Variants in TDRD12 observed in about 807,000 individuals in gnomAD.
TDRD12 encodes putative ATP-dependent RNA helicase TDRD12.
Under a neutral mutation model 133.5 loss-of-function variants are expected in TDRD12, and 158 were observed. The observed-to-expected ratio is 1.18, with a 90% CI of 1.04 to 1.35. The LOEUF (loss-of-function observed/expected upper bound fraction) is 1.35, where lower values mean the gene tolerates loss of function less well. Among genes scored for constraint, TDRD12 ranks in the 40% most tolerant of loss-of-function variants. The pLI is 0.00. For synonymous variants in TDRD12, 460 were observed against 477.9 expected, an observed-to-expected ratio of 0.96 and a Z score of 0.49; for missense variants, 1,443 against 1,321.3, an observed-to-expected ratio of 1.09 and a Z score of -1.43.
At chr19:32,813,767 T>C (rs1568494201) in exon 25 of TDRD12, 1 of 1,528,316 alleles carries the variant, frequency 6.5e-7, no homozygotes, top group South Asian at 1.2e-5. Context: ...CAGTTTGGAT[T>C]GATCCAATGG....
exon 1 of TDRD12, chr19:32,720,071 GGATGCTC>G: frequency 1.9e-6 from 3 of 1,548,518 alleles, no homozygotes; most frequent in Non-Finnish European, 2.6e-6. Flanking sequence ...GGCGCCAGGA[GGATGCTC>G]CAGCTCCTGG....
chr19:32,755,977 T>C lies in TDRD12; in HGVS notation c.583-15T>C, dbSNP rs1435562900. ...TATTTGTCTTATTAGTCATGAAATG[T>C]TTAAAATTTTACAGGTTTGTGTTAA... On this transcript the variant is annotated splice_polypyrimidine_tract_variant and intron_variant, in intron 6 of 27. Transcript: ENST00000444215. 2.8e-6 allele frequency: 4 copies of C among 1,441,260 alleles called. No individual in the cohort carries two copies. The highest frequency in any genetic ancestry group is 2.7e-6 in the Non-Finnish European group (3 of 1,102,814). The allele number at this position is 1,441,260 out of a possible 1,614,324, so 89.3% of individuals were successfully genotyped here.
intron 1 of TDRD12, among the ~76,000 whole-genome samples, chr19:32,725,797 A>T (rs1015399773): frequency 6.6e-6 from 1 of 152,142 alleles, no homozygotes; most frequent in Non-Finnish European, 1.5e-5. Context: ...TCTATAAATT[A>T]CTTTGGACAG....
intron 25 of TDRD12, 83 bp from the exon 26 acceptor site, chr19:32,815,365 A>G (rs1967141838): frequency 6.7e-6 from 8 of 1,194,828 alleles, no homozygotes; most frequent in Non-Finnish European, 8.1e-6. Flanking sequence ...TGAATGAACC[A>G]GAGAGGCCCT....
intron 15 of TDRD12, 85 bp downstream of exon 15, chr19:32,797,976 C>T: frequency 1.7e-6 from 1 of 600,376 alleles, no homozygotes; most frequent in Non-Finnish European, 2.9e-6. Context: ...CCTGGCTGGG[C>T]CTGGGTCCAC....
intron 11 of TDRD12, 137 bp downstream of exon 11, chr19:32,777,366 G>A (rs776602600): frequency 1.9e-5 from 11 of 578,166 alleles, no homozygotes; most frequent in Non-Finnish European, 2.5e-5. Context: ...TATATCTCCT[G>A]TAGGGTTTGA....
intron 13 of TDRD12, among the ~76,000 whole-genome samples, chr19:32,791,985 C>T (rs1446362288): frequency 1.3e-5 from 2 of 150,744 alleles, no homozygotes; most frequent in African/African-American, 4.9e-5. Flanking sequence ...CATTGGCTCA[C>T]ACCTGTAATC....
chr19:32,802,433 G>C (rs1346418880), intron 19 of TDRD12, among the ~76,000 whole-genome samples: 2 of 151,852 alleles, frequency 1.3e-5, no homozygotes, highest in African/African-American at 4.8e-5. Flanking sequence ...GCTTGGATTT[G>C]TAATAAGAGA....
chr19:32,802,157 A>T (rs929128926), intron 19 of TDRD12, among the ~76,000 whole-genome samples: 1 of 142,846 alleles, frequency 7.0e-6, no homozygotes, highest in African/African-American at 2.6e-5. Context: ...TATCATATAT[A>T]TATATGATAA....
At chr19:32,821,116 C>T (rs543081485) in exon 28 of TDRD12, 35 of 1,535,900 alleles carry the variant, frequency 2.3e-5, no homozygotes, top group South Asian at 1.5e-4. Context: ...GAGTCCAAGA[C>T]GAGCTCAGAA....
intron 11 of TDRD12, among the ~76,000 whole-genome samples, chr19:32,780,964 A>T (rs1300928180): frequency 7.1e-5 from 9 of 127,546 alleles, no homozygotes; most frequent in African/African-American, 2.4e-4. Context: ...TTTTTTTGAG[A>T]TGGAGTCTCG....
intron 15 of TDRD12, among the ~76,000 whole-genome samples, 183 bp from the exon 16 acceptor site, chr19:32,798,125 A>G (rs866367195): frequency 8.5e-5 from 13 of 152,182 alleles, no homozygotes; most frequent in Non-Finnish European, 1.8e-4. Flanking sequence ...TCATTCATTT[A>G]TCATCTATTT....
chr19:32,827,372 C>CTTTAT, exon 10 of TDRD12: 1 of 120,308 alleles, frequency 8.3e-6, no homozygotes. Context: ...CTTTTCTTTT[C>CTTTAT]TTTTTTTTTT....
At chr19:32,775,876 T>C (rs1238640056) in intron 10 of TDRD12, among the ~76,000 whole-genome samples, 1 of 152,204 alleles carries the variant, frequency 6.6e-6, no homozygotes, top group Non-Finnish European at 1.5e-5. Flanking sequence ...CTGGATATTT[T>C]GAATGTTATG....
chr19:32,767,249 C>T (rs1970325969), intron 8 of TDRD12, among the ~76,000 whole-genome samples: 1 of 151,948 alleles, frequency 6.6e-6, no homozygotes, highest in Non-Finnish European at 1.5e-5. Flanking sequence ...CTGCCTCAGC[C>T]TCCTGAGTAG....
At chr19:32,817,016 G>T (rs1167617868) in intron 26 of TDRD12, among the ~76,000 whole-genome samples, 3 of 152,168 alleles carry the variant, frequency 2.0e-5, no homozygotes, top group Non-Finnish European at 4.4e-5. Flanking sequence ...CGCACCAAGT[G>T]TGGGCAGGGA....
rs2145729919 is a variant in TDRD12, at chr19:32,811,427, G to T, written c.3048+7G>T. 1 of 1,535,588 alleles carries T rather than the reference G, an allele frequency of 6.5e-7. No individual in the cohort carries two copies. The highest frequency in any genetic ancestry group is 1.2e-5 in the South Asian group (1 of 83,964). On this transcript the variant is annotated splice_region_variant and intron_variant, in intron 24 of 27. Transcript: ENST00000444215. ...AATAGAATGGAATCCGAAGGTGGGT[G>T]ATTTTGGCTTTTTATCTATTGTTGA...
intron 1 of TDRD12, among the ~76,000 whole-genome samples, chr19:32,723,211 A>G (rs1028761377): frequency 6.6e-6 from 1 of 151,970 alleles, no homozygotes; most frequent in African/African-American, 2.4e-5. Flanking sequence ...TGATTTATGC[A>G]CAATACCACA....
exon 13 of TDRD12, chr19:32,791,032 C>T (rs923580045): frequency 6.5e-7 from 1 of 1,536,248 alleles, no homozygotes; most frequent in African/African-American, 1.4e-5. Flanking sequence ...CCTGCTTAAC[C>T]ATTGACTCGT....
Sources: allele counts gnomAD v4.1 joint callset (sites outside exome capture counted in the v4.1 genomes callset), GRCh38; gene constraint gnomAD v4.1.1; transcripts MANE v1.5; gene names NCBI Gene and HGNC (gene_info 2026-07-23, HGNC 2026-07-21).